SMOC2: variants seen among roughly 807,000 people sequenced by gnomAD.
SMOC2 encodes SPARC-related modular calcium-binding protein 2.
In SMOC2, 39 loss-of-function variants were observed where a neutral mutation model predicts 61.4. The ratio of observed to expected loss-of-function variants is 0.64; its 90% CI spans 0.49 to 0.83. SMOC2 has a LOEUF of 0.83. SMOC2 is among the 40% of genes least tolerant of loss of function. The pLI, the probability that SMOC2 is intolerant of heterozygous loss-of-function variation, is 0.00. For synonymous variants in SMOC2, 247 were observed against 239.9 expected (o/e 1.03, Z -0.27); for missense variants, 556 against 592.9 (o/e 0.94, Z 0.65).
intron 9 of SMOC2, among the ~76,000 whole-genome samples, chr6:168,612,052 A>G (rs1785886399): frequency 6.6e-6 from 1 of 152,190 alleles, no homozygotes; most frequent in South Asian, 2.1e-4. Context: ...TTTTCCTACT[A>G]GAAGACTTTT....
At chr6:168,506,853 C>T (rs531008737) in intron 1 of SMOC2, among the ~76,000 whole-genome samples, 1 of 152,348 alleles carries the variant, frequency 6.6e-6, no homozygotes, top group Non-Finnish European at 1.5e-5. Context: ...GTTCTTTTAA[C>T]ACATAGTGAA....
intron 7 of SMOC2, among the ~76,000 whole-genome samples, chr6:168,580,670 T>G (rs1293914665): frequency 1.3e-5 from 2 of 152,076 alleles, no homozygotes; most frequent in African/African-American, 4.8e-5. Flanking sequence ...GCCTCCTGAG[T>G]AGCTGGGACT....
intron 1 of SMOC2, among the ~76,000 whole-genome samples, chr6:168,469,241 A>G (rs565192611): frequency 6.6e-6 from 1 of 152,302 alleles, no homozygotes; most frequent in African/African-American, 2.4e-5. Flanking sequence ...GGGCCTTGCC[A>G]CTGCTCCCTG....
chr6:168,521,974 A>G (rs1041153327), intron 2 of SMOC2, among the ~76,000 whole-genome samples: 4 of 152,242 alleles, frequency 2.6e-5, no homozygotes, highest in African/African-American at 9.6e-5. Flanking sequence ...ATTTTCTAAA[A>G]ATAGATGACA....
chr6:168,542,746 C>T (rs983983886), intron 4 of SMOC2, among the ~76,000 whole-genome samples: 2 of 152,062 alleles, frequency 1.3e-5, no homozygotes, highest in African/African-American at 2.4e-5. Flanking sequence ...AAATTTCCTG[C>T]CACATTACTA....
chr6:168,572,319 C>G (rs9455661), intron 7 of SMOC2, among the ~76,000 whole-genome samples: 9 of 26,874 alleles, frequency 3.3e-4, no homozygotes, highest in Admixed American at 2.4e-3. Context: ...CCCCGGGTGC[C>G]GGGACCAGGG....
intron 1 of SMOC2, among the ~76,000 whole-genome samples, chr6:168,441,975 CT>C (rs1177829609): frequency 1.3e-5 from 2 of 152,234 alleles, no homozygotes; most frequent in Non-Finnish European, 2.9e-5. Flanking sequence ...CTCCCGACCG[CT>C]TTGGGCTCGT....
Position 168,455,930 on chromosome 6 carries a change from C to T in SMOC2, c.84+14476C>T, listed in dbSNP as rs567536164. ...CCGTGAATCCATGCAAACGTCTGGG[C>T]GGAGTCTTCACCTCACTTCCCGATT... On this transcript the variant is annotated intron_variant, in intron 1 of 12. Transcript: ENST00000356284. Among the ~76,000 whole-genome samples the T allele has an allele frequency of 3.3e-5, 5 of 152,324 alleles. No individual in the cohort carries two copies. In the East Asian group the frequency reaches 5.8e-4, roughly 18 times the overall value.
chr6:168,608,268 A>G, intron 9 of SMOC2, 29 bp downstream of exon 9: 1 of 1,599,926 alleles, frequency 6.3e-7, no homozygotes, highest in Non-Finnish European at 8.5e-7. Flanking sequence ...TGTGGCCCGA[A>G]TCCACAGGCC....
intron 1 of SMOC2, among the ~76,000 whole-genome samples, chr6:168,486,598 T>G (rs9456123): frequency 6.6e-6 from 1 of 151,382 alleles, no homozygotes; most frequent in Non-Finnish European, 1.5e-5. Context: ...GAGTTGGCTC[T>G]GATGACCTCC....
At chr6:168,633,448 A>T (rs1786623851) in intron 9 of SMOC2, among the ~76,000 whole-genome samples, 1 of 152,178 alleles carries the variant, frequency 6.6e-6, no homozygotes, top group African/African-American at 2.4e-5. Context: ...GCTTTGCCAC[A>T]TGGACTCCAG....
chr6:168,510,150 A>G (rs1380453115), intron 2 of SMOC2, 64 bp downstream of exon 2: 9 of 1,508,924 alleles, frequency 6.0e-6, no homozygotes, highest in Non-Finnish European at 8.2e-6. Context: ...GAATGCAAAC[A>G]TATTTTCATA....
chr6:168,661,787 A>T (rs1195610275), intron 11 of SMOC2, among the ~76,000 whole-genome samples: 2 of 152,216 alleles, frequency 1.3e-5, no homozygotes, highest in Non-Finnish European at 2.9e-5. Flanking sequence ...TCAAAGTATC[A>T]CTCCAATAGT....
At chr6:168,597,973 G>C (rs922185745) in intron 7 of SMOC2, among the ~76,000 whole-genome samples, 1 of 152,242 alleles carries the variant, frequency 6.6e-6, no homozygotes, top group African/African-American at 2.4e-5. Context: ...AACAAAAAGA[G>C]ACCAACCTTT....
At chr6:168,641,855 A>C (rs1056182948) in intron 9 of SMOC2, among the ~76,000 whole-genome samples, 2 of 152,234 alleles carry the variant, frequency 1.3e-5, no homozygotes, top group Non-Finnish European at 1.5e-5. Context: ...GTGTTAATTC[A>C]TCAAAGCACT....
intron 7 of SMOC2, among the ~76,000 whole-genome samples, chr6:168,598,506 C>T (rs1475584294): frequency 2.0e-5 from 3 of 152,208 alleles, no homozygotes; most frequent in African/African-American, 7.2e-5. Flanking sequence ...ATCAGATCTG[C>T]TCCTGGATCC....
intron 1 of SMOC2, among the ~76,000 whole-genome samples, chr6:168,454,221 C>T (rs924611107): frequency 2.0e-5 from 3 of 152,180 alleles, no homozygotes; most frequent in Non-Finnish European, 4.4e-5. Flanking sequence ...TGCCTCTGGG[C>T]TCTGTGTGTC....
At chr6:168,646,284 G>A (rs1787027229) in intron 9 of SMOC2, among the ~76,000 whole-genome samples, 1 of 152,148 alleles carries the variant, frequency 6.6e-6, no homozygotes, top group Non-Finnish European at 1.5e-5. Flanking sequence ...ACCCACGATT[G>A]TGCCAGTGTG....
At position 168,441,328 on chromosome 6, in the gene SMOC2, C is replaced by T. The variant is rs1489139578; in HGVS notation, c.-43C>T. 2.7e-5 allele frequency: 40 copies of T among 1,491,682 alleles called. No individual in the cohort carries two copies. Among genetic ancestry groups the T allele is most frequent in the Non-Finnish European group, 3.5e-5 (40 of 1,128,152 alleles). 92.4% of individuals were successfully genotyped at this position (1,491,682 alleles called of 1,614,324 possible). On this transcript the variant is annotated 5_prime_UTR_variant, in exon 1 of 13. Coordinates refer to ENST00000356284, the MANE Select transcript of SMOC2 (RefSeq NM_001166412.2). ...GGCTCTCCCGGCTGCAGTGCCAGGG[C>T]GCAGGACGCGGCCGATCTCCCGCTC...
Sources: allele counts gnomAD v4.1 joint callset (sites outside exome capture counted in the v4.1 genomes callset), GRCh38; gene constraint gnomAD v4.1.1; transcripts MANE v1.5; gene names NCBI Gene and HGNC (gene_info 2026-07-23, HGNC 2026-07-21).